The following CNTN1 variants were observed in gnomAD, a reference collection of about 807,000 sequenced individuals.
CNTN1 encodes the protein contactin-1.
Under a neutral mutation model 126.4 loss-of-function variants are expected in CNTN1, and 38 were observed. The observed-to-expected ratio is 0.30, with a 90% CI of 0.23 to 0.39. The LOEUF is 0.39. CNTN1 is among the 10% of genes least tolerant of loss of function. CNTN1 has a pLI of 1.00. For missense variants in CNTN1, 1,009 were observed against 1,248.4 expected (o/e 0.81, Z 2.89); for synonymous variants, 413 against 422.6 (o/e 0.98, Z 0.28).
chr12:40,703,867 G>C (rs774701893), intron 1 of CNTN1, among the ~76,000 whole-genome samples: 1 of 152,102 alleles, frequency 6.6e-6, no homozygotes, highest in Non-Finnish European at 1.5e-5. Context: ...TAGAGATACA[G>C]TAATGATTAA....
chr12:41,014,957 T>G lies in CNTN1; in HGVS notation c.2184+659T>G, dbSNP rs369671692. On this transcript the variant is annotated intron_variant, in intron 18 of 23. Coordinates refer to ENST00000551295, the MANE Select transcript of CNTN1 (RefSeq NM_001843.4). ...TCTGGCATTTATCCAGATAACATGGTTTATACAGATTCATTTATTCATTAA... is the reference window on the plus strand; with the variant it reads ...TCTGGCATTTATCCAGATAACATGGGTTATACAGATTCATTTATTCATTAA... Among the ~76,000 whole-genome samples, 9 of 152,280 alleles carry G rather than the reference T, an allele frequency of 5.9e-5. No individual in the cohort carries two copies. The East Asian group carries it at 9.6e-4, about 16-fold the overall frequency.
chr12:40,936,234 T>C (rs1946076404), intron 9 of CNTN1, among the ~76,000 whole-genome samples: 1 of 152,238 alleles, frequency 6.6e-6, no homozygotes. Context: ...TCACCAATCA[T>C]GGCTACTGTA....
chr12:40,759,774 A>ATTTTTTTTTTT (rs33992864), intron 1 of CNTN1, among the ~76,000 whole-genome samples: 1 of 133,580 alleles, frequency 7.5e-6, no homozygotes, highest in African/African-American at 2.8e-5. Flanking sequence ...TGGCCCAGAT[A>ATTTTTTTTTTT]TTTTTTTTTT....
intron 14 of CNTN1, among the ~76,000 whole-genome samples, chr12:40,952,528 G>A (rs2136984500): frequency 6.6e-6 from 1 of 152,106 alleles, no homozygotes; most frequent in East Asian, 1.9e-4. Flanking sequence ...ATAGTAATAG[G>A]AGCAGTTTTA....
At chr12:41,024,883 A>T (rs537716192) in intron 20 of CNTN1, among the ~76,000 whole-genome samples, 1 of 152,236 alleles carries the variant, frequency 6.6e-6, no homozygotes, top group Admixed American at 6.5e-5. Flanking sequence ...GGATTTTTAA[A>T]TTTTTTATTT....
intron 1 of CNTN1, among the ~76,000 whole-genome samples, chr12:40,730,882 T>C (rs1452958784): frequency 6.6e-6 from 1 of 152,088 alleles, no homozygotes; most frequent in Non-Finnish European, 1.5e-5. Context: ...TCTGTAATAT[T>C]TGTGATGGAA....
intron 1 of CNTN1, among the ~76,000 whole-genome samples, chr12:40,833,386 G>A (rs2136558435): frequency 6.6e-6 from 1 of 152,224 alleles, no homozygotes; most frequent in African/African-American, 2.4e-5. Context: ...GTGAGGCACT[G>A]CACCTGGCCA....
At chr12:40,848,059 G>A (rs547065595) in intron 1 of CNTN1, among the ~76,000 whole-genome samples, 7 of 152,214 alleles carry the variant, frequency 4.6e-5, no homozygotes, top group South Asian at 4.1e-4. Flanking sequence ...CCTGCTGTGC[G>A]GCCCCCTTCC....
chr12:40,962,478 A>G (rs1383849298), intron 15 of CNTN1, among the ~76,000 whole-genome samples: 1 of 152,128 alleles, frequency 6.6e-6, no homozygotes, highest in Non-Finnish European at 1.5e-5. Context: ...AATATAGTCA[A>G]TGGAAAATGT....
At chr12:40,971,599 G>A in intron 15 of CNTN1, 1 of 1,521,644 alleles carries the variant, frequency 6.6e-7, no homozygotes, top group Non-Finnish European at 8.7e-7. Context: ...TGTAGCTTCT[G>A]CAGTTCTCCC....
intron 15 of CNTN1, among the ~76,000 whole-genome samples, chr12:40,965,489 T>C (rs1245453748): frequency 6.6e-6 from 1 of 152,214 alleles, no homozygotes; most frequent in Non-Finnish European, 1.5e-5. Flanking sequence ...TAAAAGTTAT[T>C]GATTTCAGTT....
intron 23 of CNTN1, among the ~76,000 whole-genome samples, chr12:41,066,888 T>C (rs529699515): frequency 3.3e-5 from 5 of 152,312 alleles, no homozygotes; most frequent in South Asian, 4.1e-4. Flanking sequence ...GTACTCCAAA[T>C]TGGTTTTACA....
At chr12:41,047,189 C>A (rs1262344619) in intron 23 of CNTN1, among the ~76,000 whole-genome samples, 3 of 152,070 alleles carry the variant, frequency 2.0e-5, no homozygotes, top group Non-Finnish European at 4.4e-5. Flanking sequence ...TGCCCTTCAG[C>A]CTTGTTTATG....
chr12:40,996,236 A>G (rs779541423), intron 17 of CNTN1, among the ~76,000 whole-genome samples: 1 of 150,958 alleles, frequency 6.6e-6, no homozygotes, highest in Admixed American at 6.6e-5. Flanking sequence ...GTCTCAAGCT[A>G]CCCTACTGCC....
At chr12:40,820,972 G>A (rs1941424296) in intron 1 of CNTN1, among the ~76,000 whole-genome samples, 1 of 152,154 alleles carries the variant, frequency 6.6e-6, no homozygotes, top group South Asian at 2.1e-4. Flanking sequence ...TAAGGCTGAT[G>A]TCTCCATCTC....
rs796766876 is a variant in CNTN1, at chr12:40,821,867, G to A, written c.-76-86490G>A. ...AGGGAAATAGAAACTGAAGAAAGGGGACTCCAGCTATAAAACCAAGGGAGC... is the reference window on the plus strand; with the variant it reads ...AGGGAAATAGAAACTGAAGAAAGGGAACTCCAGCTATAAAACCAAGGGAGC... On this transcript the variant is annotated intron_variant, in intron 1 of 23. Coordinates refer to ENST00000551295, the MANE Select transcript of CNTN1 (RefSeq NM_001843.4). Among the ~76,000 whole-genome samples, 8 of 152,004 alleles carry A rather than the reference G, an allele frequency of 5.3e-5. No individual in the cohort carries two copies. The South Asian group carries it at 1.5e-3, about 28-fold the overall frequency.
chr12:40,815,605 C>A (rs1489350536), intron 1 of CNTN1, among the ~76,000 whole-genome samples: 1 of 152,044 alleles, frequency 6.6e-6, no homozygotes, highest in African/African-American at 2.4e-5. Flanking sequence ...ACAGAGACAA[C>A]TTGACTTCCT....
At chr12:40,949,418 A>ACCCCCCC (rs538536696) in intron 14 of CNTN1, among the ~76,000 whole-genome samples, 1 of 83,100 alleles carries the variant, frequency 1.2e-5, no homozygotes, top group Non-Finnish European at 2.4e-5. Context: ...TGCTATCCCT[A>ACCCCCCC]CCCCCCCTCC....
chr12:40,924,169 A>G (rs1266878364), intron 5 of CNTN1, among the ~76,000 whole-genome samples: 3 of 152,054 alleles, frequency 2.0e-5, no homozygotes, highest in Admixed American at 6.6e-5. Flanking sequence ...AAATGAGTCC[A>G]TTCCTCTAAG....
Sources: gnomAD v4.1 joint callset for allele counts (sites outside exome capture counted in the v4.1 genomes callset) on GRCh38, gnomAD v4.1.1 for gene constraint, MANE v1.5 for transcripts, NCBI Gene and HGNC (gene_info 2026-07-23, HGNC 2026-07-21) for gene names.